The following PDE1A variants were observed in gnomAD, a reference collection of about 807,000 sequenced individuals.
PDE1A encodes dual specificity calcium/calmodulin-dependent 3',5'-cyclic nucleotide phosphodiesterase 1A.
PDE1A carries 35 observed loss-of-function variants against 61.7 expected under a neutral mutation model. The ratio of observed to expected loss-of-function variants is 0.57; its 90% CI spans 0.43 to 0.75. The LOEUF (loss-of-function observed/expected upper bound fraction) is 0.75. PDE1A is among the 30% of genes least tolerant of loss of function. The pLI is 0.00. For synonymous variants in PDE1A, 232 were observed against 213.2 expected, an observed-to-expected ratio of 1.09 and a Z score of -0.77; for missense variants, 597 against 630.6, an observed-to-expected ratio of 0.95 and a Z score of 0.57.
At chr2:182,692,632 A>G in the PDE1A span, among the ~76,000 whole-genome samples, 1 of 150,796 alleles carries the variant, frequency 6.6e-6, no homozygotes, top group Non-Finnish European at 1.5e-5. Flanking sequence ...ACAAACCTGG[A>G]TGTTGTGCAC....
chr2:182,552,896 C>T, the PDE1A span, among the ~76,000 whole-genome samples: 1 of 152,160 alleles, frequency 6.6e-6, no homozygotes, highest in African/African-American at 2.4e-5. Flanking sequence ...TGAGCTTTCG[C>T]TCGCCATCCA....
At chr2:182,610,603 GTAAAT>G in the PDE1A span, among the ~76,000 whole-genome samples, 22 of 152,130 alleles carry the variant, frequency 1.4e-4, no homozygotes, top group African/African-American at 4.8e-4. Flanking sequence ...CTTTAAAATA[GTAAAT>G]TAAAACAGTT....
chr2:182,661,438 A>G, the PDE1A span, among the ~76,000 whole-genome samples: 2 of 152,336 alleles, frequency 1.3e-5, no homozygotes, highest in South Asian at 4.1e-4. Flanking sequence ...AATCAAAGAC[A>G]AATTCTCAAC....
chr2:182,445,191 C>A (rs559336089), intron 2 of PDE1A, among the ~76,000 whole-genome samples: 1 of 152,194 alleles, frequency 6.6e-6, no homozygotes, highest in East Asian at 1.9e-4. Context: ...ACACCATTTA[C>A]TGAAAATATA....
chr2:182,284,396 ATAAT>A (rs1260928274), intron 1 of PDE1A, among the ~76,000 whole-genome samples: 1 of 152,174 alleles, frequency 6.6e-6, no homozygotes, highest in African/African-American at 2.4e-5. Flanking sequence ...AAGATGACTG[ATAAT>A]TAAAATATAA....
intron 13 of PDE1A, among the ~76,000 whole-genome samples, chr2:182,176,177 T>C (rs1205400523): frequency 6.7e-6 from 1 of 148,484 alleles, no homozygotes; most frequent in East Asian, 1.9e-4. Context: ...GGCTCTTTTT[T>C]GGTTCCATAG....
At chr2:182,231,691 C>T (rs1027815383) in intron 4 of PDE1A, among the ~76,000 whole-genome samples, 1 of 151,860 alleles carries the variant, frequency 6.6e-6, no homozygotes, top group African/African-American at 2.4e-5. Context: ...TGAAATGGGC[C>T]AATCACGAGG....
the PDE1A span, among the ~76,000 whole-genome samples, chr2:182,649,062 G>A: frequency 5.3e-5 from 8 of 152,256 alleles, no homozygotes; most frequent in East Asian, 1.5e-3. Flanking sequence ...GTGTGTAAGT[G>A]GCAGCAGGTA....
chr2:182,343,237 T>C (rs564519557), intron 1 of PDE1A, among the ~76,000 whole-genome samples: 1 of 152,332 alleles, frequency 6.6e-6, no homozygotes, highest in East Asian at 1.9e-4. Context: ...GTTGTTTTGT[T>C]TGGGCATTTT....
the PDE1A span, among the ~76,000 whole-genome samples, chr2:182,683,144 G>C: frequency 6.7e-6 from 1 of 149,706 alleles, no homozygotes; most frequent in Non-Finnish European, 1.5e-5. Flanking sequence ...CCAGGCTGGA[G>C]TGCAGTGGTG....
At chr2:182,313,338 C>T (rs1444212944) in intron 1 of PDE1A, among the ~76,000 whole-genome samples, 6 of 152,042 alleles carry the variant, frequency 3.9e-5, no homozygotes, top group Non-Finnish European at 7.4e-5. Flanking sequence ...CGCTTGAACC[C>T]GGGAGGCAGG....
At chr2:182,354,388 TAAATTAGG>T (rs1316020786) in intron 1 of PDE1A, among the ~76,000 whole-genome samples, 6 of 152,146 alleles carry the variant, frequency 3.9e-5, no homozygotes, top group African/African-American at 1.4e-4. Context: ...AGTTTCCCCT[TAAATTAGG>T]AAGATAACAA....
At chr2:182,274,519 A>G (rs1189534289) in intron 1 of PDE1A, among the ~76,000 whole-genome samples, 1 of 152,220 alleles carries the variant, frequency 6.6e-6, no homozygotes, top group East Asian at 1.9e-4. Context: ...AAATTGAGTC[A>G]TTTCAAGAAG....
chr2:182,690,941 A>C, the PDE1A span, among the ~76,000 whole-genome samples: 1 of 152,208 alleles, frequency 6.6e-6, no homozygotes, highest in Non-Finnish European at 1.5e-5. Flanking sequence ...TGCTTCAAAG[A>C]GAATAAAATA....
At chr2:182,684,479 T>C in the PDE1A span, among the ~76,000 whole-genome samples, 1 of 152,212 alleles carries the variant, frequency 6.6e-6, no homozygotes, top group Non-Finnish European at 1.5e-5. Context: ...ACTGCAAGCC[T>C]TATGTAAGTA....
At chr2:182,340,965 T>C (rs1293278600) in intron 1 of PDE1A, among the ~76,000 whole-genome samples, 2 of 152,212 alleles carry the variant, frequency 1.3e-5, no homozygotes, top group African/African-American at 4.8e-5. Flanking sequence ...CTCTGGACTC[T>C]GACTTAAAGT....
intron 1 of PDE1A, among the ~76,000 whole-genome samples, chr2:182,296,852 A>G (rs754112458): frequency 2.0e-5 from 3 of 152,238 alleles, no homozygotes; most frequent in Non-Finnish European, 2.9e-5. Context: ...AGGCCTGAAT[A>G]GAACAAAAAG....
intron 2 of PDE1A, among the ~76,000 whole-genome samples, chr2:182,493,862 A>G (rs1574793072): frequency 6.6e-6 from 1 of 151,974 alleles, no homozygotes; most frequent in Non-Finnish European, 1.5e-5. Context: ...CTGGTCTTGA[A>G]CTCCTGGCCT....
intron 7 of PDE1A, among the ~76,000 whole-genome samples, chr2:182,220,810 TATAAA>T (rs1483019477): frequency 1.3e-5 from 2 of 152,130 alleles, no homozygotes; most frequent in Admixed American, 6.6e-5. Flanking sequence ...CAATGAATAA[TATAAA>T]ATAAAATAGA....
Sources: gnomAD v4.1 joint callset for allele counts (sites outside exome capture counted in the v4.1 genomes callset) on GRCh38, gnomAD v4.1.1 for gene constraint, MANE v1.5 for transcripts, NCBI Gene and HGNC (gene_info 2026-07-23, HGNC 2026-07-21) for gene names.